Variants in KCTD8 observed in about 807,000 individuals in gnomAD.
The protein encoded by KCTD8 is potassium channel tetramerization domain containing 8, also known as BTB/POZ domain-containing protein KCTD8.
In KCTD8, 27 loss-of-function variants were observed where a neutral mutation model predicts 31.5. The ratio of observed to expected loss-of-function variants is 0.86; its 90% CI spans 0.63 to 1.18. The LOEUF is 1.18. Among genes scored for constraint, KCTD8 ranks in the 50% most tolerant of loss-of-function variants. KCTD8 has a pLI of 0.00. For synonymous variants in KCTD8, 290 were observed against 280.0 expected, an observed-to-expected ratio of 1.04 and a Z score of -0.36; for missense variants, 658 against 647.7, an observed-to-expected ratio of 1.02 and a Z score of -0.17.
chr4:44,305,012 G>A (rs996317698), intron 1 of KCTD8, among the ~76,000 whole-genome samples: 2 of 151,622 alleles, frequency 1.3e-5, no homozygotes, highest in Non-Finnish European at 2.9e-5. Flanking sequence ...AAATAAACCT[G>A]GTGGGAGAAG....
At chr4:44,368,302 G>A (rs888244141) in intron 1 of KCTD8, among the ~76,000 whole-genome samples, 6 of 152,050 alleles carry the variant, frequency 3.9e-5, no homozygotes, top group African/African-American at 2.4e-5. Context: ...GCTTGAACCC[G>A]AAAGGTGGAG....
chr4:44,181,937 C>A (rs1713425280), intron 1 of KCTD8, among the ~76,000 whole-genome samples: 2 of 142,602 alleles, frequency 1.4e-5, no homozygotes, highest in African/African-American at 2.5e-5. Context: ...CTCCACCCGG[C>A]AGCCGCCCCC....
intron 1 of KCTD8, among the ~76,000 whole-genome samples, chr4:44,340,400 A>AC (rs1167515818): frequency 6.6e-6 from 1 of 151,094 alleles, no homozygotes; most frequent in African/African-American, 2.4e-5. Flanking sequence ...CTGTGTTCAC[A>AC]CCATTCTCCT....
chr4:44,433,972 T>C (rs982251183), intron 1 of KCTD8, among the ~76,000 whole-genome samples: 2 of 151,900 alleles, frequency 1.3e-5, no homozygotes, highest in Admixed American at 6.6e-5. Context: ...CAGTTGCTTT[T>C]TGAAAATGCA....
chr4:44,263,676 G>A (rs1046182817), intron 1 of KCTD8, among the ~76,000 whole-genome samples: 1 of 152,136 alleles, frequency 6.6e-6, no homozygotes, highest in African/African-American at 2.4e-5. Context: ...AATATGGAAA[G>A]CTGTTATTAG....
At chr4:44,373,805 A>C (rs546329005) in intron 1 of KCTD8, among the ~76,000 whole-genome samples, 1 of 152,264 alleles carries the variant, frequency 6.6e-6, no homozygotes, top group South Asian at 2.1e-4. Context: ...CCTTCTAAAA[A>C]GAATAAGATA....
At chr4:44,305,971 C>G (rs946180013) in intron 1 of KCTD8, among the ~76,000 whole-genome samples, 2 of 151,252 alleles carry the variant, frequency 1.3e-5, no homozygotes, top group African/African-American at 4.9e-5. Flanking sequence ...AAGTCATTTA[C>G]TAGATAGAAT....
At chr4:44,327,043 G>T (rs1420707293) in intron 1 of KCTD8, among the ~76,000 whole-genome samples, 7 of 151,906 alleles carry the variant, frequency 4.6e-5, no homozygotes, top group African/African-American at 1.5e-4. Flanking sequence ...TTTCAAGGAA[G>T]ATTTGTTCCT....
chr4:44,426,834 G>C (rs1310538963), intron 1 of KCTD8, among the ~76,000 whole-genome samples: 1 of 151,490 alleles, frequency 6.6e-6, no homozygotes, highest in Non-Finnish European at 1.5e-5. Context: ...TTTCCATCTA[G>C]CATTATATTC....
intron 1 of KCTD8, among the ~76,000 whole-genome samples, chr4:44,326,890 T>C (rs755629475): frequency 2.6e-5 from 4 of 151,878 alleles, no homozygotes; most frequent in Non-Finnish European, 4.4e-5. Context: ...CATCCCTTTA[T>C]TCTGCCAAAT....
At chr4:44,314,608 T>C (rs1260045052) in intron 1 of KCTD8, among the ~76,000 whole-genome samples, 1 of 152,132 alleles carries the variant, frequency 6.6e-6, no homozygotes, top group Non-Finnish European at 1.5e-5. Flanking sequence ...AACATTTTTA[T>C]GGATATCTCA....
rs780942606 is a variant in KCTD8, at chr4:44,175,034, G to C, written c.1178C>G (p.Ser393Cys). 3 of 1,613,848 alleles carry C rather than the reference G, an allele frequency of 1.9e-6. No individual in the cohort carries two copies. The African/African-American group carries it at 4.0e-5, about 22-fold the overall frequency. Residue 393 changes from serine (S) to cysteine (C), a missense_variant, in exon 2 of 2, where the codon TCT becomes TGT. Coordinates refer to ENST00000360029, the MANE Select transcript of KCTD8 (RefSeq NM_198353.3). ...QPNTLTLDRP[S>C]KKAPVQWIPP... Reference sequence around the variant, plus strand: ...TATCCATTGTACAGGTGCTTTTTTAGAGGGGCGATCCAATGTTAAAGTGTT... The same window carrying C: ...TATCCATTGTACAGGTGCTTTTTTACAGGGGCGATCCAATGTTAAAGTGTT...
At chr4:44,358,938 T>C (rs926345240) in intron 1 of KCTD8, among the ~76,000 whole-genome samples, 7 of 152,250 alleles carry the variant, frequency 4.6e-5, no homozygotes, top group Admixed American at 2.0e-4. Flanking sequence ...ATGAGCTTTT[T>C]TTCATATGTT....
intron 1 of KCTD8, among the ~76,000 whole-genome samples, chr4:44,256,874 T>A (rs778943018): frequency 5.1e-4 from 78 of 151,970 alleles, no homozygotes; most frequent in Non-Finnish European, 8.4e-4. Flanking sequence ...GATATTAAAT[T>A]TGTATTGTTG....
chr4:44,398,781 T>C (rs1307883324), intron 1 of KCTD8, among the ~76,000 whole-genome samples: 4 of 152,132 alleles, frequency 2.6e-5, no homozygotes, highest in Admixed American at 6.5e-5. Context: ...AGGTACGGCA[T>C]ACCCCACATG....
chr4:44,439,900 TTTTATTTA>T (rs59211244), intron 1 of KCTD8, among the ~76,000 whole-genome samples: 14,293 of 133,058 alleles, frequency 0.11, 1,471 homozygotes, highest in African/African-American at 0.27. Flanking sequence ...AATCATTTAT[TTTTATTTA>T]TTTATTTATT....
intron 1 of KCTD8, among the ~76,000 whole-genome samples, chr4:44,326,758 T>A (rs750764450): frequency 7.2e-5 from 11 of 151,926 alleles, no homozygotes; most frequent in Admixed American, 2.6e-4. Context: ...ACTATGTATA[T>A]CCATGACTAA....
intron 1 of KCTD8, among the ~76,000 whole-genome samples, chr4:44,378,934 T>C (rs1300347293): frequency 2.0e-5 from 3 of 152,118 alleles, no homozygotes; most frequent in African/African-American, 7.2e-5. Context: ...CTGTTTCCTT[T>C]TCTTTGCTAA....
intron 1 of KCTD8, among the ~76,000 whole-genome samples, chr4:44,354,976 CAAT>C (rs1348744256): frequency 1.3e-5 from 2 of 152,046 alleles, no homozygotes; most frequent in Admixed American, 1.3e-4. Context: ...AATAAATGCA[CAAT>C]AATTGGGAAG....
Sources: allele counts gnomAD v4.1 joint callset (sites outside exome capture counted in the v4.1 genomes callset), GRCh38; gene constraint gnomAD v4.1.1; transcripts MANE v1.5; gene names NCBI Gene and HGNC (gene_info 2026-07-23, HGNC 2026-07-21).